RASGRF2: variants seen among roughly 807,000 people sequenced by gnomAD.
RASGRF2 encodes the protein ras-specific guanine nucleotide-releasing factor 2.
Under a neutral mutation model 151.0 loss-of-function variants are expected in RASGRF2, and 76 were observed. The ratio of observed to expected loss-of-function variants is 0.50; its 90% CI spans 0.42 to 0.61. The LOEUF (loss-of-function observed/expected upper bound fraction) is 0.61, where lower values mean the gene tolerates loss of function less well. RASGRF2 is among the 20% of genes least tolerant of loss of function. RASGRF2 has a pLI of 0.00. For missense variants in RASGRF2, 1,148 were observed against 1,564.6 expected, an observed-to-expected ratio of 0.73 and a Z score of 4.49; for synonymous variants, 504 against 566.5, an observed-to-expected ratio of 0.89 and a Z score of 1.57.
chr5:81,180,070 T>TA, intron 17 of RASGRF2, 105 bp from the exon 18 acceptor site: 2 of 676,686 alleles, frequency 3.0e-6, no homozygotes, highest in Admixed American at 2.0e-5. Flanking sequence ...CCAAGAAGTG[T>TA]CATCTGTGAG....
At chr5:81,101,386 T>C (rs1309156957) in intron 12 of RASGRF2, among the ~76,000 whole-genome samples, 1 of 152,138 alleles carries the variant, frequency 6.6e-6, no homozygotes, top group Non-Finnish European at 1.5e-5. Flanking sequence ...CTTTCTTCAT[T>C]GCAGCATTAC....
intron 15 of RASGRF2, among the ~76,000 whole-genome samples, chr5:81,122,038 A>C (rs1008818835): frequency 6.6e-6 from 1 of 152,184 alleles, no homozygotes; most frequent in Non-Finnish European, 1.5e-5. Context: ...AGCTGTTTGC[A>C]AGGAGCCTGA....
At chr5:81,209,436 A>T (rs1284260817) in intron 22 of RASGRF2, among the ~76,000 whole-genome samples, 1 of 152,202 alleles carries the variant, frequency 6.6e-6, no homozygotes, top group East Asian at 1.9e-4. Context: ...TAACGATTTT[A>T]AAAACAACAA....
In RASGRF2 at chr5:81,086,862, T is replaced by C; in HGVS notation, c.1299T>C (p.Thr433=). The change falls in exon 9 of 27, where the codon ACT becomes ACC. Residue 433 remains threonine (T), a synonymous_variant. Transcript: ENST00000265080. ...SRVMHDEVSD[T]ENIRKNLAIE... is the part of the protein sequence containing the mutation. ...TAATGCACGATGAAGTCAGCGACAC[T>C]GAAAACATAAGGAAAAACCTTGCCA... is the stretch of plus-strand genomic sequence containing the variant. The C allele has an allele frequency of 6.2e-7, 1 of 1,614,088 alleles. No homozygotes were observed. The highest frequency in any genetic ancestry group is 1.7e-5 in the Admixed American group (1 of 60,030).
intron 12 of RASGRF2, among the ~76,000 whole-genome samples, chr5:81,105,376 C>T (rs1752817862): frequency 6.6e-6 from 1 of 152,040 alleles, no homozygotes; most frequent in African/African-American, 2.4e-5. Flanking sequence ...CTTTATGACC[C>T]AGGTCTGTGA....
chr5:80,968,151 C>T (rs1747782178), intron 1 of RASGRF2, among the ~76,000 whole-genome samples: 1 of 152,258 alleles, frequency 6.6e-6, no homozygotes, highest in Non-Finnish European at 1.5e-5. Flanking sequence ...CATTTGCCAG[C>T]TAGCATTTTT....
At chr5:81,057,840 C>A (rs6860933) in intron 2 of RASGRF2, among the ~76,000 whole-genome samples, 1,681 of 151,854 alleles carry the variant, frequency 0.011, 29 homozygotes, top group African/African-American at 0.039. Context: ...ACAAAACAAT[C>A]AAAAAATTAG....
At position 81,015,941 on chromosome 5, in the gene RASGRF2, A is replaced by G. The variant is rs541888868; in HGVS notation, c.289-26936A>G. Among the ~76,000 whole-genome samples, 160 of 152,356 alleles carry G rather than the reference A, an allele frequency of 1.1e-3. 1 individual carries two copies. The highest frequency in any genetic ancestry group is 3.1e-3 in the African/African-American group (130 of 41,586). ...GCAATGGTGTTTCCAAGCTAATTTG[A>G]TAAGTGTAACTGATGATTACCAATA... On this transcript the variant is annotated intron_variant, in intron 1 of 26. Coordinates refer to ENST00000265080, the MANE Select transcript of RASGRF2 (RefSeq NM_006909.3).
chr5:81,061,511 CT>C (rs201278544), intron 2 of RASGRF2, among the ~76,000 whole-genome samples: 216 of 142,558 alleles, frequency 1.5e-3, no homozygotes, highest in Middle Eastern at 3.5e-3. Context: ...TTAAGAAGGA[CT>C]TTTTTTTTTT....
chr5:81,149,373 A>G (rs1754080920), intron 17 of RASGRF2, among the ~76,000 whole-genome samples: 1 of 152,166 alleles, frequency 6.6e-6, no homozygotes, highest in Admixed American at 6.5e-5. Flanking sequence ...GAGGTAACTC[A>G]GGAATGGAGA....
intron 1 of RASGRF2, among the ~76,000 whole-genome samples, chr5:80,996,481 T>C (rs1748866993): frequency 1.3e-5 from 1 of 74,398 alleles, no homozygotes; most frequent in Non-Finnish European, 2.5e-5. Context: ...TTTCTTCTTC[T>C]TCTTCTTCTT....
chr5:81,212,554 C>T lies in RASGRF2; in HGVS notation c.3345C>T (p.Val1115=). The change falls in exon 23 of 27, where the codon GTC becomes GTT. Residue 1115 remains valine, a synonymous_variant. Transcript: ENST00000265080. ...GGCTGAAGAAAACCTGGGCCAAGGT[C>T]TCTAAGCAGGTGAGCCTCAGCGTGT... ...IYRLKKTWAK[V]SKQTKALMDK... is the part of the protein sequence containing the mutation. 1.2e-6 allele frequency: 2 copies of T among 1,610,252 alleles called. No individual in the cohort carries two copies. The highest frequency in any genetic ancestry group is 2.2e-5 in the South Asian group (2 of 90,290).
chr5:81,111,060 C>G (rs1161135697), intron 13 of RASGRF2, among the ~76,000 whole-genome samples: 1 of 152,160 alleles, frequency 6.6e-6, no homozygotes, highest in African/African-American at 2.4e-5. Context: ...GCTAAGAAAG[C>G]AGTTGATTCC....
At chr5:81,159,469 A>G (rs1754333552) in intron 17 of RASGRF2, among the ~76,000 whole-genome samples, 1 of 152,220 alleles carries the variant, frequency 6.6e-6, no homozygotes, top group Non-Finnish European at 1.5e-5. Flanking sequence ...AAGACCACGT[A>G]CTCTACGATT....
intron 12 of RASGRF2, among the ~76,000 whole-genome samples, chr5:81,100,203 G>A (rs767179007): frequency 5.3e-5 from 8 of 152,116 alleles, no homozygotes; most frequent in African/African-American, 7.2e-5. Flanking sequence ...CACCGCGCCC[G>A]GCCACTATTT....
At chr5:81,180,944 T>C (rs1201940181) in intron 18 of RASGRF2, among the ~76,000 whole-genome samples, 2 of 152,280 alleles carry the variant, frequency 1.3e-5, no homozygotes, top group East Asian at 3.9e-4. Context: ...CCTGATGTGA[T>C]GCATGCATAA....
chr5:81,189,711 C>CT (rs369630375), intron 18 of RASGRF2, among the ~76,000 whole-genome samples: 13,878 of 120,714 alleles, frequency 0.11, 1,001 homozygotes, highest in African/African-American at 0.16. Flanking sequence ...GGCCTATATA[C>CT]TTTTTTTTTT....
chr5:80,985,520 G>A (rs1177733225), intron 1 of RASGRF2, among the ~76,000 whole-genome samples: 1 of 152,158 alleles, frequency 6.6e-6, no homozygotes, highest in Non-Finnish European at 1.5e-5. Context: ...TAGATAAAGA[G>A]CATTAGCCCC....
chr5:81,099,433 C>G (rs1752635388), intron 12 of RASGRF2, among the ~76,000 whole-genome samples: 1 of 152,138 alleles, frequency 6.6e-6, no homozygotes, highest in Admixed American at 6.5e-5. Flanking sequence ...TAATGAGGTG[C>G]TAAACATCTT....
Sources: allele counts gnomAD v4.1 joint callset (sites outside exome capture counted in the v4.1 genomes callset), GRCh38; gene constraint gnomAD v4.1.1; transcripts MANE v1.5; gene names NCBI Gene and HGNC (gene_info 2026-07-23, HGNC 2026-07-21).